NT5DC3: variants seen among roughly 807,000 people sequenced by gnomAD.
NT5DC3 encodes the protein 5'-nucleotidase domain containing 3, also known as 5'-nucleotidase domain-containing protein 3.
Under a neutral mutation model 67.8 loss-of-function variants are expected in NT5DC3, and 42 were observed. The observed-to-expected ratio is 0.62, with a 90% confidence interval of 0.48 to 0.80. NT5DC3 has a LOEUF of 0.80. NT5DC3 is among the 30% of genes least tolerant of loss of function. The pLI, the probability that NT5DC3 is intolerant of heterozygous loss-of-function variation, is 0.00. For synonymous variants in NT5DC3, 237 were observed against 255.6 expected (o/e 0.93, Z 0.69); for missense variants, 570 against 696.4 (o/e 0.82, Z 2.04).
chr12:103,783,592 C>G (rs1885646100), intron 12 of NT5DC3, among the ~76,000 whole-genome samples: 1 of 152,092 alleles, frequency 6.6e-6, no homozygotes, highest in Non-Finnish European at 1.5e-5. Flanking sequence ...TCACCTATCT[C>G]GCTGTCTCAG....
chr12:103,781,463 T>C (rs1885548477), intron 12 of NT5DC3, among the ~76,000 whole-genome samples: 1 of 152,156 alleles, frequency 6.6e-6, no homozygotes. Flanking sequence ...GGGCCTTACC[T>C]CCCACGAAGC....
chr12:103,812,459 A>G (rs1359614736), intron 2 of NT5DC3, among the ~76,000 whole-genome samples: 1 of 152,234 alleles, frequency 6.6e-6, no homozygotes, highest in African/African-American at 2.4e-5. Context: ...AATGATCTTA[A>G]ATCTAGAGGC....
intron 1 of NT5DC3, among the ~76,000 whole-genome samples, chr12:103,817,363 GTTT>G (rs138564488): frequency 6.6e-6 from 1 of 151,224 alleles, no homozygotes; most frequent in Non-Finnish European, 1.5e-5. Context: ...ATATATGACA[GTTT>G]TTTTTTCACC....
At chr12:103,787,834 A>G (rs118110531) in intron 10 of NT5DC3, among the ~76,000 whole-genome samples, 2,399 of 152,284 alleles carry the variant, frequency 0.016, 25 homozygotes, top group Non-Finnish European at 0.024. Flanking sequence ...CCTTTCGCCA[A>G]TTCCCTGATG....
intron 1 of NT5DC3, among the ~76,000 whole-genome samples, chr12:103,833,999 C>A (rs1888041483): frequency 6.6e-6 from 1 of 152,100 alleles, no homozygotes; most frequent in South Asian, 2.1e-4. Context: ...TTGGCACTAC[C>A]AACAGTTGAG....
In NT5DC3 at chr12:103,793,210, C is replaced by G. The variant is rs1479956639; in HGVS notation, c.973G>C (p.Val325Leu). The change falls in exon 9 of 14, where the codon GTC (valine) becomes CTC (leucine). Residue 325 changes from valine (V) to leucine (L), a missense_variant. By Grantham distance (32) the Val-to-Leu change is conservative (BLOSUM62 1). Around this residue, in one of 2 missense-constraint regions of NT5DC3, gnomAD observed 466 missense variants for 608.0 expected, o/e 0.77. Transcript: ENST00000392876. Reference protein sequence around the residue: ...GKDWRDLFDVVIVQAEKPNFF... With the variant: ...GKDWRDLFDVLIVQAEKPNFF... ...TTTGGCTTCTCAGCCTGAACAATGA[C>G]CACATCGAACAGGTCCCTCCAGTCT... 2 of 1,608,398 alleles carry G rather than the reference C, an allele frequency of 1.2e-6. No homozygotes were observed. The highest frequency in any genetic ancestry group is 1.7e-6 in the Non-Finnish European group (2 of 1,178,832).
intron 13 of NT5DC3, among the ~76,000 whole-genome samples, chr12:103,778,931 G>A (rs551095825): frequency 1.3e-5 from 2 of 152,126 alleles, no homozygotes; most frequent in South Asian, 2.1e-4. Context: ...AAATACACAC[G>A]CCCCATCTCC....
At chr12:103,823,707 A>T (rs2139447112) in intron 1 of NT5DC3, among the ~76,000 whole-genome samples, 1 of 152,314 alleles carries the variant, frequency 6.6e-6, no homozygotes, top group African/African-American at 2.4e-5. Context: ...TCAAGGTTTC[A>T]AAATTTCTTT....
At chr12:103,785,751 TAAAAAAAAA>T (rs201632707) in intron 11 of NT5DC3, 22 of 367,192 alleles carry the variant, frequency 6.0e-5, no homozygotes, top group Middle Eastern at 4.5e-4. Flanking sequence ...CCATGGTCTG[TAAAAAAAAA>T]AAAAAAAAAA....
the NT5DC3 span, among the ~76,000 whole-genome samples, chr12:103,765,155 C>T: frequency 3.0e-3 from 438 of 147,896 alleles, no homozygotes; most frequent in Non-Finnish European, 4.7e-3. Flanking sequence ...TAACTAAGTA[C>T]TGTTATGCTG....
intron 1 of NT5DC3, among the ~76,000 whole-genome samples, chr12:103,840,530 G>T (rs1888370210): frequency 1.5e-5 from 2 of 134,094 alleles, no homozygotes; most frequent in Admixed American, 1.7e-4. Flanking sequence ...CCCCGCTCTT[G>T]GGCATCTCTG....
the NT5DC3 span, chr12:103,763,631 G>A: frequency 6.9e-6 from 11 of 1,599,286 alleles, no homozygotes; most frequent in South Asian, 8.9e-5. Flanking sequence ...TCTTATCTAG[G>A]AATAGGTTCC....
chr12:103,766,308 A>G, downstream of NT5DC3: 1 of 1,614,034 alleles, frequency 6.2e-7, no homozygotes, highest in Non-Finnish European at 8.5e-7. Flanking sequence ...CGGCAGCTTG[A>G]GGGCAATGAC....
At chr12:103,804,471 G>A (rs955783974) in intron 4 of NT5DC3, among the ~76,000 whole-genome samples, 7 of 152,152 alleles carry the variant, frequency 4.6e-5, no homozygotes, top group African/African-American at 1.7e-4. Flanking sequence ...GAAGAGAAGG[G>A]AATTTGAAAC....
chr12:103,769,452 G>A (rs566785686), downstream of NT5DC3, among the ~76,000 whole-genome samples: 17 of 152,296 alleles, frequency 1.1e-4, no homozygotes, highest in Admixed American at 2.6e-4. Context: ...GGAAAACTCC[G>A]TCCCCAACAC....
At chr12:103,765,518 G>A (rs1479305351), downstream of NT5DC3, among the ~76,000 whole-genome samples, 1 of 152,152 alleles carries the variant, frequency 6.6e-6, no homozygotes, top group African/African-American at 2.4e-5. Flanking sequence ...CAAAGCCTGG[G>A]TGCCAGTCAG....
intron 4 of NT5DC3, among the ~76,000 whole-genome samples, chr12:103,805,272 TA>T (rs1886749539): frequency 1.3e-5 from 2 of 152,090 alleles, no homozygotes; most frequent in African/African-American, 4.8e-5. Context: ...GCACATTACT[TA>T]AAAAATCTAA....
chr12:103,798,622 C>T lies in NT5DC3; in HGVS notation c.580G>A (p.Val194Met), dbSNP rs778333375. 4 of 1,613,978 alleles carry T rather than the reference C, an allele frequency of 2.5e-6. No homozygotes were observed. Among genetic ancestry groups the T allele is most frequent in the East Asian group, 2.2e-5 (1 of 44,880 alleles). ...AAGTCACTCATCTGCTCCAAGGGCA[C>T]GTGGGACCCCTCGTACATTTCAATG... is the stretch of plus-strand genomic sequence containing the variant. ...EVIEMYEGSH[V>M]PLEQMSDFYG... The change falls in exon 5 of 14, where the codon GTG becomes ATG. Residue 194 changes from valine (V) to methionine (M), a missense_variant. By Grantham distance (21) the Val-to-Met change is conservative. Transcript: ENST00000392876.
At chr12:103,747,409 GCTGAACTCCTTTT>G in the NT5DC3 span, among the ~76,000 whole-genome samples, 3 of 152,274 alleles carry the variant, frequency 2.0e-5, no homozygotes, top group East Asian at 1.9e-4. Flanking sequence ...CATTTTGGGG[GCTGAACTCCTTTT>G]CTGAACTCCT....
Sources: allele counts gnomAD v4.1 joint callset (sites outside exome capture counted in the v4.1 genomes callset), GRCh38; gene constraint gnomAD v4.1.1; regional missense constraint gnomAD v4.1.1; transcripts MANE v1.5; gene names NCBI Gene and HGNC (gene_info 2026-07-23, HGNC 2026-07-21).